The following ACOX2 variants were observed in gnomAD, a reference collection of about 807,000 sequenced individuals.
ACOX2 encodes the protein peroxisomal acyl-coenzyme A oxidase 2.
In ACOX2, 59 loss-of-function variants were observed where a neutral mutation model predicts 77.5. That is an observed-to-expected ratio of 0.76 (90% confidence interval 0.62 to 0.95). The LOEUF is 0.95. ACOX2 is among the 40% of genes least tolerant of loss of function. The pLI, the probability that ACOX2 is intolerant of heterozygous loss-of-function variation, is 0.00. For missense variants in ACOX2, 837 were observed against 880.4 expected, an observed-to-expected ratio of 0.95 and a Z score of 0.62; for synonymous variants, 317 against 340.1, an observed-to-expected ratio of 0.93 and a Z score of 0.75.
chr3:58,518,837 G>A (rs1288506255), intron 12 of ACOX2, among the ~76,000 whole-genome samples: 2 of 149,868 alleles, frequency 1.3e-5, no homozygotes, highest in African/African-American at 4.9e-5. Context: ...CGAGGGTCTT[G>A]CTATGTTGCC....
In ACOX2 at chr3:58,533,623, G is replaced by A. The variant is rs141448406; in HGVS notation, c.476-71C>T. Reference sequence around the variant, plus strand: ...CTTACCTGTGAAGCTGCTTCTAGGTGGGTCTGAACTCTTAGGCATCAGCGC... The same window carrying A: ...CTTACCTGTGAAGCTGCTTCTAGGTAGGTCTGAACTCTTAGGCATCAGCGC... On this transcript the variant is annotated intron_variant, in intron 4 of 14. Transcript: ENST00000302819. This position sits in a 1 kb window ranked among gnomAD's most constrained non-coding sequence, Gnocchi z 5.6. The A allele has an allele frequency of 1.0e-3, 1,469 of 1,429,430 alleles. 13 individuals carry two copies. The African/African-American group carries it at 0.018, about 17-fold the overall frequency. The allele number at this position is 1,429,430 out of a possible 1,614,324, so 88.5% of individuals were successfully genotyped here. A position where few individuals can be genotyped will look rare whatever the true frequency, so the allele number is the denominator to read the frequency against.
chr3:58,509,489 T>A (rs868260816), intron 13 of ACOX2, among the ~76,000 whole-genome samples: 12 of 151,786 alleles, frequency 7.9e-5, no homozygotes, highest in Non-Finnish European at 1.6e-4. Context: ...ATTATGCCAC[T>A]GCACTCCAGC....
At chr3:58,529,013 T>G in intron 8 of ACOX2, 57 bp from the exon 9 acceptor site, 1 of 1,489,952 alleles carries the variant, frequency 6.7e-7, no homozygotes, top group Non-Finnish European at 9.0e-7. Context: ...CACCTTCCCC[T>G]ATCCCCGACA....
At chr3:58,511,250 A>T (rs2063285271) in intron 13 of ACOX2, 1 of 325,684 alleles carries the variant, frequency 3.1e-6, no homozygotes. Context: ...CTCAGGGGTA[A>T]AAAGTTAGTG....
Position 58,522,719 on chromosome 3 carries a change from A to AT in ACOX2, c.1527-119dup, listed in dbSNP as rs1353038227. On this transcript the variant is annotated intron_variant, in intron 11 of 14. Coordinates refer to ENST00000302819, the MANE Select transcript of ACOX2 (RefSeq NM_003500.4). The surrounding 1 kb of genome is among the most constrained non-coding windows in gnomAD (Gnocchi z 4.3). ...CCTGTTTATTGACCACTTATGTGCC[A>AT]TAAAGCTAAATGATTGATATTTATT... 5 of 833,880 alleles carry AT rather than the reference A, an allele frequency of 6.0e-6. No homozygotes were observed. The highest frequency in any genetic ancestry group is 9.9e-6 in the Non-Finnish European group (5 of 506,492). 51.7% of individuals were successfully genotyped at this position (833,880 alleles called of 1,614,324 possible).
chr3:58,509,307 C>T (rs1366171201), intron 13 of ACOX2, among the ~76,000 whole-genome samples: 1 of 152,060 alleles, frequency 6.6e-6, no homozygotes, highest in East Asian at 2.0e-4. Flanking sequence ...GTAGGTGGAT[C>T]ATGAGGTCAG....
intron 14 of ACOX2, among the ~76,000 whole-genome samples, chr3:58,508,051 CTT>C (rs2063247352): frequency 6.6e-6 from 1 of 152,154 alleles, no homozygotes; most frequent in African/African-American, 2.4e-5. Context: ...TACCTATAGA[CTT>C]TTTGTTTTGA....
In ACOX2 at chr3:58,515,798, G is replaced by A. The variant is rs971060213; in HGVS notation, c.1850+1408C>T. ...GTTTTCTTTTCTTTCCTTTTTTTGA[G>A]ACAAGGTCTCACTTTGTTGCCCAGG... On this transcript the variant is annotated intron_variant, in intron 13 of 14. Coordinates refer to ENST00000302819, the MANE Select transcript of ACOX2 (RefSeq NM_003500.4). The surrounding 1 kb of genome is among the most constrained non-coding windows in gnomAD (Gnocchi z 4.0). 6.6e-6 allele frequency among the ~76,000 whole-genome samples: 1 copy of A among 151,770 alleles called. No homozygotes were observed. Among genetic ancestry groups the A allele is most frequent in the African/African-American group, 2.4e-5 (1 of 41,314 alleles).
intron 13 of ACOX2, among the ~76,000 whole-genome samples, chr3:58,513,651 T>A (rs1576988792): frequency 1.3e-5 from 2 of 152,310 alleles, no homozygotes; most frequent in Admixed American, 6.5e-5. Context: ...TTTTTAAGTT[T>A]TCTTCTCCCT....
In ACOX2 at chr3:58,522,995, T is replaced by C; in HGVS notation, c.1527-394A>G. ...TTTTGTTGACTGACGTCCTGTGGCCTGAGCAAGGAGAATGGTTTTTCTGTA... is the reference window on the plus strand; with the variant it reads ...TTTTGTTGACTGACGTCCTGTGGCCCGAGCAAGGAGAATGGTTTTTCTGTA... On this transcript the variant is annotated intron_variant, in intron 11 of 14. Coordinates refer to ENST00000302819, the MANE Select transcript of ACOX2 (RefSeq NM_003500.4). This position sits in a 1 kb window ranked among gnomAD's most constrained non-coding sequence, Gnocchi z 4.3. 1 of 173,176 alleles carries C rather than the reference T, an allele frequency of 5.8e-6. No individual in the cohort carries two copies. Among genetic ancestry groups the C allele is most frequent in the South Asian group, 1.5e-4 (1 of 6,890 alleles). The allele number at this position is 173,176 out of a possible 1,614,324, so 10.7% of individuals were successfully genotyped here.
chr3:58,507,121 C>T (rs532849118), intron 14 of ACOX2, among the ~76,000 whole-genome samples: 1 of 152,334 alleles, frequency 6.6e-6, no homozygotes, highest in African/African-American at 2.4e-5. Context: ...ATACCTGTCA[C>T]CTTTTTAGGA....
chr3:58,510,699 TATATATATATACACACACAC>T (rs2063278698), intron 13 of ACOX2, among the ~76,000 whole-genome samples: 1 of 5,852 alleles, frequency 1.7e-4, no homozygotes, highest in Non-Finnish European at 4.0e-4. Flanking sequence ...TATATATATA[TATATATATATACACACACAC>T]ACACACACAC....
Position 58,522,713 on chromosome 3 carries a change from T to C in ACOX2, c.1527-112A>G, listed in dbSNP as rs184662784. ...ATAATGCCTGTTTATTGACCACTTA[T>C]GTGCCATAAAGCTAAATGATTGATA... On this transcript the variant is annotated intron_variant, in intron 11 of 14. Coordinates refer to ENST00000302819, the MANE Select transcript of ACOX2 (RefSeq NM_003500.4). This position sits in a 1 kb window ranked among gnomAD's most constrained non-coding sequence, Gnocchi z 4.3. 5,438 of 910,620 alleles carry C rather than the reference T, an allele frequency of 6.0e-3. 83 individuals carry two copies. The highest frequency in any genetic ancestry group is 5.5e-3 in the Non-Finnish European group (3,119 of 562,908). 56.4% of individuals were successfully genotyped at this position (910,620 alleles called of 1,614,324 possible).
chr3:58,535,238 G>A lies in ACOX2; in HGVS notation c.-91-41C>T. ...ACTGCCTAGGGCTGGGTGTCAGCCA[G>A]GGCTGGTTGGTAGAAGAAAGACATC... On this transcript the variant is annotated intron_variant, in intron 1 of 14. Coordinates refer to ENST00000302819, the MANE Select transcript of ACOX2 (RefSeq NM_003500.4). This position sits in a 1 kb window ranked among gnomAD's most constrained non-coding sequence, Gnocchi z 4.8. 8.6e-7 allele frequency: 1 copy of A among 1,166,262 alleles called. No individual in the cohort carries two copies. The highest frequency in any genetic ancestry group is 1.2e-6 in the Non-Finnish European group (1 of 808,282). 72.2% of individuals were successfully genotyped at this position (1,166,262 alleles called of 1,614,324 possible).
chr3:58,526,493 T>A lies in ACOX2; in HGVS notation c.1319A>T (p.Asn440Ile), dbSNP rs1457217070. The A allele has an allele frequency of 7.4e-6, 12 of 1,614,016 alleles. No individual in the cohort carries two copies. The highest frequency in any genetic ancestry group is 1.0e-5 in the Non-Finnish European group (12 of 1,179,958). The stretch of plus-strand genomic sequence containing the variant: ...GGCCACCTGCAGGTAGAGCACTGTG[T>A]TCTCACCCTCGTAGGTACAGGAGGC... ...LSASCTYEGE[N>I]TVLYLQVARF... Residue 440 changes from asparagine (N) to isoleucine (I), a missense_variant, in exon 10 of 15, where the codon AAC (asparagine) becomes ATC (isoleucine). Transcript: ENST00000302819. This position sits in a 1 kb window ranked among gnomAD's most constrained non-coding sequence, Gnocchi z 4.3.
chr3:58,508,801 C>T (rs371025794), intron 14 of ACOX2, 92 bp downstream of exon 14: 151 of 1,509,278 alleles, frequency 1.0e-4, no homozygotes, highest in African/African-American at 4.6e-4. Flanking sequence ...GCCAACCTAA[C>T]GGGAATCAAT....
chr3:58,521,123 C>T lies in ACOX2; in HGVS notation c.1632+1373G>A, dbSNP rs7651276. The stretch of plus-strand genomic sequence containing the variant: ...ATCCAGTGAAAGCAGGAAGCCTTGG[C>T]TCACCCTCTGTGTTGACAGGACAGT... On this transcript the variant is annotated intron_variant, in intron 12 of 14. Coordinates refer to ENST00000302819, the MANE Select transcript of ACOX2 (RefSeq NM_003500.4). This position sits in a 1 kb window ranked among gnomAD's most constrained non-coding sequence, Gnocchi z 4.8. Among the ~76,000 whole-genome samples, 29,594 of 152,160 alleles carry T rather than the reference C, an allele frequency of 0.19. 3,121 individuals are homozygous for T. Among genetic ancestry groups the T allele is most frequent in the Middle Eastern group, 0.26 (77 of 294 alleles).
At position 58,505,465 on chromosome 3, in the gene ACOX2, C is replaced by T. The variant is rs1183525670; in HGVS notation, c.1984-179G>A. ...ATGGAGAAACATTTTTTCCAAAGGG[C>T]ATCCTTCCTTTTCTCATGCAGATTT... On this transcript the variant is annotated intron_variant, in intron 14 of 14. Transcript: ENST00000302819. This position sits in a 1 kb window ranked among gnomAD's most constrained non-coding sequence, Gnocchi z 4.4. 6.6e-6 allele frequency among the ~76,000 whole-genome samples: 1 copy of T among 152,106 alleles called. No homozygotes were observed. The highest frequency in any genetic ancestry group is 1.5e-5 in the Non-Finnish European group (1 of 68,012).
At chr3:58,513,408 C>T (rs1219015419) in intron 13 of ACOX2, among the ~76,000 whole-genome samples, 2 of 152,114 alleles carry the variant, frequency 1.3e-5, no homozygotes, top group Non-Finnish European at 2.9e-5. Context: ...AAGATTGGTC[C>T]TCTTACTTTT....
Sources: allele counts gnomAD v4.1 joint callset (sites outside exome capture counted in the v4.1 genomes callset), GRCh38; gene constraint gnomAD v4.1.1; non-coding constraint Gnocchi (gnomAD v3.1); transcripts MANE v1.5; gene names NCBI Gene and HGNC (gene_info 2026-07-23, HGNC 2026-07-21).